OR3A3: variants seen among roughly 807,000 people sequenced by gnomAD.
OR3A3 encodes the protein olfactory receptor 3A3.
For synonymous variants in OR3A3, 103 were observed against 163.9 expected, an observed-to-expected ratio of 0.63 and a Z score of 2.84; for missense variants, 275 against 391.4, an observed-to-expected ratio of 0.70 and a Z score of 2.51.
intron 2 of OR3A3, among the ~76,000 whole-genome samples, chr17:3,413,161 T>C (rs999300883): frequency 2.5e-4 from 38 of 152,148 alleles, no homozygotes; most frequent in African/African-American, 8.0e-4. Flanking sequence ...CATAGTAAGT[T>C]GCATGAAATA....
intron 2 of OR3A3, among the ~76,000 whole-genome samples, chr17:3,415,798 AATTATTATTATTATTATTATT>A (rs71153352): frequency 3.4e-4 from 31 of 90,584 alleles, no homozygotes; most frequent in Non-Finnish European, 6.0e-4. Context: ...CTTATTTTTA[AATTATTATTATTATTATTATT>A]ATTATTATTA....
intron 2 of OR3A3, among the ~76,000 whole-genome samples, chr17:3,415,787 A>T (rs2072387302): frequency 7.3e-6 from 1 of 136,780 alleles, no homozygotes; most frequent in African/African-American, 2.7e-5. Flanking sequence ...TTTTTTATTT[A>T]CTTATTTTTA....
chr17:3,418,262 G>A (rs376676282), intron 2 of OR3A3, among the ~76,000 whole-genome samples: 2 of 152,146 alleles, frequency 1.3e-5, no homozygotes, highest in South Asian at 2.1e-4. Context: ...ACCTTGTGCT[G>A]GTTCCCTTTT....
exon 3 of OR3A3, chr17:3,421,576 T>G: frequency 6.6e-7 from 1 of 1,514,140 alleles, no homozygotes; most frequent in East Asian, 2.3e-5. Flanking sequence ...GAGGAAAATT[T>G]CCCGAGAAGA....
chr17:3,423,408 G>A (rs2072449452), exon 3 of OR3A3: 1 of 152,240 alleles, frequency 6.6e-6, no homozygotes, highest in Non-Finnish European at 1.5e-5. Flanking sequence ...CCTTTCCTGT[G>A]TTCCACCTGT....
chr17:3,420,978 G>A, exon 3 of OR3A3: 1 of 1,613,554 alleles, frequency 6.2e-7, no homozygotes, highest in Non-Finnish European at 8.5e-7. Context: ...CCATCTGCCA[G>A]CCCCTCACCT....
At chr17:3,413,153 T>C (rs1168596884) in intron 2 of OR3A3, among the ~76,000 whole-genome samples, 1 of 152,086 alleles carries the variant, frequency 6.6e-6, no homozygotes, top group Non-Finnish European at 1.5e-5. Context: ...AGGTAAAGCA[T>C]AGTAAGTTGC....
At chr17:3,414,482 C>T (rs913512154) in intron 2 of OR3A3, among the ~76,000 whole-genome samples, 1 of 152,152 alleles carries the variant, frequency 6.6e-6, no homozygotes, top group Non-Finnish European at 1.5e-5. Flanking sequence ...GATTTCCTAA[C>T]ATCTTTACAA....
At chr17:3,413,610 C>T (rs141645525) in intron 2 of OR3A3, among the ~76,000 whole-genome samples, 3 of 152,080 alleles carry the variant, frequency 2.0e-5, no homozygotes, top group Admixed American at 6.5e-5. Context: ...GTCAGTTGTT[C>T]GAGACCAACC....
At chr17:3,412,283 T>G (rs2072366681) in intron 2 of OR3A3, 112 bp downstream of exon 2, 1 of 149,672 alleles carries the variant, frequency 6.7e-6, no homozygotes, top group Admixed American at 6.6e-5. Flanking sequence ...GGAAAGCCAT[T>G]TAGGGGAAGA....
chr17:3,421,397 C>G lies in OR3A3; in HGVS notation c.812C>G (p.Ser271Ter). Residue 271 changes from serine to a stop codon, truncating the protein, a stop_gained, in exon 3 of 3, where the codon TCA (serine) becomes TGA (stop). Coordinates refer to ENST00000641141, the Ensembl canonical transcript of OR3A3. LOFTEE classifies it high-confidence loss of function. ...ATGAGGCTGGGTTCAGTGGAATCTTCAGACAAGGATAAGGGGGTTGGGGTT... is the reference window on the plus strand; with the variant it reads ...ATGAGGCTGGGTTCAGTGGAATCTTGAGACAAGGATAAGGGGGTTGGGGTT... 1 of 1,614,122 alleles carries G rather than the reference C, an allele frequency of 6.2e-7. No homozygotes were observed. Among genetic ancestry groups the G allele is most frequent in the Non-Finnish European group, 8.5e-7 (1 of 1,179,990 alleles).
chr17:3,412,126 C>T (rs2072365818), exon 2 of OR3A3: 1 of 152,314 alleles, frequency 6.6e-6, no homozygotes, highest in African/African-American at 2.4e-5. Context: ...CAGCTCCTCC[C>T]CTTCTTTCCT....
intron 2 of OR3A3, among the ~76,000 whole-genome samples, chr17:3,420,008 C>T (rs1235268497): frequency 2.6e-5 from 4 of 152,164 alleles, no homozygotes; most frequent in Non-Finnish European, 5.9e-5. Flanking sequence ...ACCTCGTGAT[C>T]CGCCTGCCTT....
intron 2 of OR3A3, among the ~76,000 whole-genome samples, chr17:3,413,523 T>G (rs1003718541): frequency 6.6e-6 from 1 of 152,052 alleles, no homozygotes; most frequent in Non-Finnish European, 1.5e-5. Context: ...TCTTAGAATT[T>G]TAAGGACCTG....
At chr17:3,420,210 T>G (rs2072421473) in intron 2 of OR3A3, among the ~76,000 whole-genome samples, 1 of 152,130 alleles carries the variant, frequency 6.6e-6, no homozygotes, top group African/African-American at 2.4e-5. Flanking sequence ...GTGAAACAAA[T>G]TAACATATCC....
rs188121539 is a variant in OR3A3, at chr17:3,416,057, C to T, written c.-7+3886C>T. On this transcript the variant is annotated intron_variant, in intron 2 of 2. Coordinates refer to ENST00000641141, the Ensembl canonical transcript of OR3A3. ...AAACTCTTGAGCTCAAGTGATCCAC[C>T]TGCCTCAGCCTCCCAACGTGCTGGG... Among the ~76,000 whole-genome samples the T allele has an allele frequency of 1.4e-3, 220 of 152,076 alleles. 2 individuals carry two copies. Among genetic ancestry groups the T allele is most frequent in the African/African-American group, 4.7e-3 (193 of 41,498 alleles).
At chr17:3,417,575 T>C (rs2072400069) in intron 2 of OR3A3, among the ~76,000 whole-genome samples, 1 of 152,220 alleles carries the variant, frequency 6.6e-6, no homozygotes, top group African/African-American at 2.4e-5. Flanking sequence ...TAGAAGTTTA[T>C]TCTATGGGGC....
chr17:3,415,956 C>T (rs1465482726), intron 2 of OR3A3, among the ~76,000 whole-genome samples: 1 of 151,396 alleles, frequency 6.6e-6, no homozygotes, highest in Non-Finnish European at 1.5e-5. Flanking sequence ...GGATTACAGG[C>T]GAGCACCATC....
At chr17:3,412,141 A>C (rs1363867449) in exon 2 of OR3A3, 1 of 152,196 alleles carries the variant, frequency 6.6e-6, no homozygotes, top group Non-Finnish European at 1.5e-5. Flanking sequence ...TTTCCTGAGG[A>C]AACCTCAGTG....
Sources: allele counts gnomAD v4.1 joint callset (sites outside exome capture counted in the v4.1 genomes callset), GRCh38; gene constraint gnomAD v4.1.1; transcripts MANE v1.5; gene names NCBI Gene and HGNC (gene_info 2026-07-23, HGNC 2026-07-21).